The following MAPT variants were observed in gnomAD, a reference collection of about 807,000 sequenced individuals.
MAPT encodes the protein microtubule associated protein tau, also known as microtubule-associated protein tau.
A neutral mutation model predicts 67.9 loss-of-function variants in MAPT; 34 were observed. The ratio of observed to expected loss-of-function variants is 0.50; its 90% CI spans 0.38 to 0.67. MAPT has a LOEUF of 0.67. MAPT is among the 30% of genes least tolerant of loss of function. The pLI is 0.00. For synonymous variants in MAPT, 456 were observed against 464.5 expected, an observed-to-expected ratio of 0.98 and a Z score of 0.23; for missense variants, 881 against 1,115.2, an observed-to-expected ratio of 0.79 and a Z score of 2.99.
At chr17:46,002,237 T>C (rs1056367653) in intron 9 of MAPT, among the ~76,000 whole-genome samples, 2 of 151,956 alleles carry the variant, frequency 1.3e-5, no homozygotes, top group African/African-American at 4.8e-5. Flanking sequence ...CAGCTGGCAG[T>C]GGCCGTGGGA....
intron 1 of MAPT, among the ~76,000 whole-genome samples, chr17:45,916,427 G>A (rs1001747434): frequency 2.0e-5 from 3 of 152,158 alleles, no homozygotes; most frequent in Admixed American, 1.3e-4. Context: ...TGTGAGGTGG[G>A]AGAACCCCGA....
chr17:45,936,093 A>G (rs2067299128), intron 1 of MAPT, among the ~76,000 whole-genome samples: 1 of 152,220 alleles, frequency 6.6e-6, no homozygotes, highest in Admixed American at 6.5e-5. Flanking sequence ...GCAGAGTTCC[A>G]TAACTTGTGT....
At chr17:45,941,589 C>T (rs971629381) in intron 1 of MAPT, among the ~76,000 whole-genome samples, 1 of 132,652 alleles carries the variant, frequency 7.5e-6, no homozygotes, top group South Asian at 2.9e-4. Flanking sequence ...CCTTTGCCCG[C>T]CCTTCCTTCC....
At chr17:45,993,956 G>T (rs1290745552) in intron 8 of MAPT, 3 of 1,576,282 alleles carry the variant, frequency 1.9e-6, no homozygotes, top group Non-Finnish European at 2.6e-6. Flanking sequence ...ACCACCCCCT[G>T]CAGGGCCCAG....
intron 9 of MAPT, chr17:45,999,571 G>A: frequency 6.2e-7 from 1 of 1,612,728 alleles, no homozygotes; most frequent in Non-Finnish European, 8.5e-7. Context: ...TTCCATTGAA[G>A]GCCCCTTTCA....
chr17:45,935,838 T>C (rs1285703420), intron 1 of MAPT, among the ~76,000 whole-genome samples: 5 of 152,208 alleles, frequency 3.3e-5, no homozygotes, highest in Non-Finnish European at 7.3e-5. Context: ...CCGCAGAGCC[T>C]TCTCCAATCT....
intron 1 of MAPT, among the ~76,000 whole-genome samples, chr17:45,905,626 T>A (rs1374335763): frequency 6.6e-6 from 1 of 152,198 alleles, no homozygotes; most frequent in Non-Finnish European, 1.5e-5. Flanking sequence ...AGCTACTCCC[T>A]CATTTGTGGG....
At chr17:45,950,361 T>C (rs2068939642) in intron 1 of MAPT, among the ~76,000 whole-genome samples, 2 of 152,098 alleles carry the variant, frequency 1.3e-5, no homozygotes, top group South Asian at 4.1e-4. Flanking sequence ...TCAGGTAAGC[T>C]GCACAGAAGA....
At position 45,983,412 on chromosome 17, in the gene MAPT, T is replaced by C. The variant is rs748867674; in HGVS notation, c.833T>C (p.Leu278Pro). 1.2e-6 allele frequency: 2 copies of C among 1,607,378 alleles called. No homozygotes were observed. Among genetic ancestry groups the C allele is most frequent in the East Asian group, 2.2e-5 (1 of 44,726 alleles). ...LGDLHQEGPP[L>P]KGAGGKERPG... ...GACCTGCACCAGGAGGGGCCGCCGC[T>C]GAAGGGGGCAGGGGGCAAAGAGAGG... The change falls in exon 5 of 13, where the codon CTG (leucine) becomes CCG (proline). Residue 278 changes from leucine (L) to proline (P), a missense_variant. Around this residue, in one of 6 missense-constraint regions of MAPT, gnomAD observed 687 missense variants for 766.1 expected, o/e 0.90. Coordinates refer to ENST00000262410, the MANE Select transcript of MAPT (RefSeq NM_001377265.1).
intron 1 of MAPT, among the ~76,000 whole-genome samples, chr17:45,921,097 G>C (rs2065669711): frequency 6.6e-6 from 1 of 152,178 alleles, no homozygotes; most frequent in Non-Finnish European, 1.5e-5. Flanking sequence ...TTAAATGAAA[G>C]TTTAGGGATA....
intron 1 of MAPT, among the ~76,000 whole-genome samples, chr17:45,936,974 G>A (rs2067389612): frequency 6.6e-6 from 1 of 152,156 alleles, no homozygotes; most frequent in Non-Finnish European, 1.5e-5. Flanking sequence ...TGGCTCTTCT[G>A]TCTGATTCAT....
chr17:45,953,140 G>A (rs2069257930), intron 1 of MAPT, among the ~76,000 whole-genome samples: 2 of 152,194 alleles, frequency 1.3e-5, no homozygotes, highest in Admixed American at 1.3e-4. Flanking sequence ...ACTACCTGCT[G>A]CCAGGCCCTG....
chr17:46,023,869 C>A, intron 12 of MAPT, 87 bp from the exon 13 acceptor site: 1 of 1,158,254 alleles, frequency 8.6e-7, no homozygotes, highest in Non-Finnish European at 1.3e-6. Flanking sequence ...GTCCCTGGCA[C>A]TCTGGGCCAG....
intron 12 of MAPT, among the ~76,000 whole-genome samples, chr17:46,022,074 G>C (rs556286415): frequency 6.6e-6 from 1 of 152,112 alleles, no homozygotes; most frequent in Admixed American, 6.5e-5. Context: ...ACAGTAACAG[G>C]TCAGGCATGG....
chr17:46,015,849 A>G (rs911945134), intron 11 of MAPT, among the ~76,000 whole-genome samples: 45 of 152,144 alleles, frequency 3.0e-4, no homozygotes, highest in African/African-American at 9.9e-4. Context: ...ACACCTAACT[A>G]TGTACCCACA....
At chr17:45,999,898 A>G (rs2074852219) in intron 9 of MAPT, among the ~76,000 whole-genome samples, 1 of 152,180 alleles carries the variant, frequency 6.6e-6, no homozygotes, top group Non-Finnish European at 1.5e-5. Flanking sequence ...AGACCAACAC[A>G]TGAATCTCCA....
At chr17:45,953,559 G>A (rs2069303901) in intron 1 of MAPT, among the ~76,000 whole-genome samples, 1 of 152,174 alleles carries the variant, frequency 6.6e-6, no homozygotes, top group African/African-American at 2.4e-5. Context: ...CCCTTGAGAG[G>A]CACACAGTTT....
chr17:45,909,582 A>C (rs938867032), intron 1 of MAPT, among the ~76,000 whole-genome samples: 1 of 152,066 alleles, frequency 6.6e-6, no homozygotes, highest in African/African-American at 2.4e-5. Context: ...TAAAAATACA[A>C]ATAATTAGGC....
At chr17:45,960,061 A>G (rs2070213438) in intron 1 of MAPT, among the ~76,000 whole-genome samples, 1 of 152,278 alleles carries the variant, frequency 6.6e-6, no homozygotes, top group Non-Finnish European at 1.5e-5. Context: ...AGAAGGAAAT[A>G]TCACAGATCC....
Sources: gnomAD v4.1 joint callset for allele counts (sites outside exome capture counted in the v4.1 genomes callset) on GRCh38, gnomAD v4.1.1 for gene constraint, gnomAD v4.1.1 regional missense constraint, MANE v1.5 for transcripts, NCBI Gene and HGNC (gene_info 2026-07-23, HGNC 2026-07-21) for gene names.